Variants in LGMN observed in about 807,000 individuals in gnomAD.
LGMN encodes the protein legumain.
Under a neutral mutation model 56.8 loss-of-function variants are expected in LGMN, and 36 were observed. That is an observed-to-expected ratio of 0.63 (90% CI 0.49 to 0.84). The LOEUF is 0.84. Among genes scored for constraint, LGMN ranks in the 40% least tolerant of loss-of-function variants. The probability of loss-of-function intolerance (pLI) is 0.00; values close to 1 mark genes in which losing one functional copy is unlikely to be tolerated. For missense variants in LGMN, 446 were observed against 556.1 expected, an observed-to-expected ratio of 0.80 and a Z score of 1.99; for synonymous variants, 199 against 210.1, an observed-to-expected ratio of 0.95 and a Z score of 0.46.
intron 2 of LGMN, among the ~76,000 whole-genome samples, chr14:92,732,004 A>C (rs1891071662): frequency 6.6e-6 from 1 of 152,010 alleles, no homozygotes; most frequent in Admixed American, 6.5e-5. Context: ...TCCAGGAAAG[A>C]TGGGGGAGGA....
rs1401723318 is a variant in LGMN, at chr14:92,716,181, T to A, written c.359A>T (p.Asp120Val). Residue 120 changes from aspartate to valine, a missense_variant, in exon 5 of 14, where the codon GAT (aspartate) becomes GTT (valine). By Grantham distance (152) the Asp-to-Val change is radical (BLOSUM62 -3). Transcript: ENST00000334869. ...TCCTATGCCCTTCACTGCTTCTGCA[T>A]CGCCTCTCAACACAGCAAGGAAATT... is the stretch of plus-strand genomic sequence containing the variant. ...PQNFLAVLRG[D>V]AEAVKGIGSG... The A allele has an allele frequency of 1.9e-6, 3 of 1,613,656 alleles. No homozygotes were observed.
At chr14:92,710,077 T>C (rs1889679084) in intron 10 of LGMN, among the ~76,000 whole-genome samples, 1 of 152,160 alleles carries the variant, frequency 6.6e-6, no homozygotes, top group Non-Finnish European at 1.5e-5. Flanking sequence ...CTGAAAGGCA[T>C]GGTCACCCCA....
chr14:92,723,622 C>T (rs1024115346), intron 2 of LGMN, among the ~76,000 whole-genome samples: 12 of 152,260 alleles, frequency 7.9e-5, no homozygotes, highest in South Asian at 4.1e-4. Context: ...AAAGACCACA[C>T]GCTGTTTAGC....
rs1890771886 is a variant in LGMN, at chr14:92,726,968, G to T, written c.138+5681C>A. Among the ~76,000 whole-genome samples, 2 of 152,230 alleles carry T rather than the reference G, an allele frequency of 1.3e-5. 1 individual carries two copies. The highest frequency in any genetic ancestry group is 3.8e-4 in the East Asian group (2 of 5,196). On this transcript the variant is annotated intron_variant, in intron 2 of 13. Transcript: ENST00000334869. ...AAGTCCACCCATGGCTCCAAGAAAA[G>T]ATGTGCATCTGATAAAGAGCAAGCC...
intron 8 of LGMN, 43 bp downstream of exon 8, chr14:92,712,762 C>T (rs1889850282): frequency 6.3e-7 from 1 of 1,597,032 alleles, no homozygotes; most frequent in African/African-American, 1.3e-5. Context: ...TCTGAGCAAC[C>T]TGCTTGCCAG....
intron 2 of LGMN, among the ~76,000 whole-genome samples, chr14:92,730,655 G>C (rs985618691): frequency 1.1e-4 from 17 of 152,206 alleles, no homozygotes; most frequent in African/African-American, 4.1e-4. Context: ...GTTTAAAGAA[G>C]ATATTAAGGC....
At chr14:92,718,480 GGGA>G in intron 3 of LGMN, among the ~76,000 whole-genome samples, 1 of 152,016 alleles carries the variant, frequency 6.6e-6, no homozygotes, top group Non-Finnish European at 1.5e-5. Flanking sequence ...AGGCTGAGGT[GGGA>G]GGATCACTTG....
At chr14:92,704,409 G>A in intron 13 of LGMN, 48 bp from the exon 14 acceptor site, 1 of 1,483,160 alleles carries the variant, frequency 6.7e-7, no homozygotes, top group Non-Finnish European at 9.4e-7. Flanking sequence ...CAACTCTGAA[G>A]AAAGGCAGAC....
In LGMN at chr14:92,714,443, T is replaced by C; in HGVS notation, c.413A>G (p.Gln138Arg). Residue 138 changes from glutamine to arginine, a missense_variant, in exon 6 of 14, where the codon CAG becomes CGG. Coordinates refer to ENST00000334869, the MANE Select transcript of LGMN (RefSeq NM_005606.7). This position sits in a 1 kb window ranked among gnomAD's most constrained non-coding sequence, Gnocchi z 5.1. ...GSGKVLKSGP[Q>R]DHVFIYFTDH... ...AGTGAAGTAAATGAACACGTGATCC[T>C]GGGGGCCACTGCCAAGAAGGAATCG... 6.2e-7 allele frequency: 1 copy of C among 1,606,408 alleles called. No homozygotes were observed. The highest frequency in any genetic ancestry group is 8.5e-7 in the Non-Finnish European group (1 of 1,173,652).
intron 1 of LGMN, among the ~76,000 whole-genome samples, chr14:92,747,513 C>T (rs1891875924): frequency 6.6e-6 from 1 of 152,118 alleles, no homozygotes; most frequent in Non-Finnish European, 1.5e-5. Context: ...AACAAACAAA[C>T]AGAAAAACAC....
intron 10 of LGMN, among the ~76,000 whole-genome samples, chr14:92,710,099 G>A (rs894393678): frequency 6.6e-6 from 1 of 152,176 alleles, no homozygotes; most frequent in Admixed American, 6.5e-5. Context: ...CAGTACGCAG[G>A]CAATGCACGG....
At chr14:92,746,222 G>T (rs1891814184) in intron 1 of LGMN, among the ~76,000 whole-genome samples, 1 of 152,088 alleles carries the variant, frequency 6.6e-6, no homozygotes, top group South Asian at 2.1e-4. Context: ...GTTTCAATGT[G>T]CATTTCCTGG....
intron 3 of LGMN, 82 bp from the exon 4 acceptor site, chr14:92,717,543 A>T: frequency 9.8e-7 from 1 of 1,022,324 alleles, no homozygotes; most frequent in East Asian, 2.4e-5. Context: ...TGTTATGCGA[A>T]AAAATAGTAA....
intron 2 of LGMN, among the ~76,000 whole-genome samples, chr14:92,723,730 C>T (rs1218525087): frequency 7.7e-6 from 1 of 130,536 alleles, no homozygotes; most frequent in Non-Finnish European, 1.7e-5. Flanking sequence ...TGCAAATATG[C>T]CCAAACAACT....
At position 92,742,552 on chromosome 14, in the gene LGMN, G is replaced by A. The variant is rs1217455793; in HGVS notation, c.-30+5937C>T. 2.0e-5 allele frequency among the ~76,000 whole-genome samples: 3 copies of A among 152,144 alleles called. No individual in the cohort carries two copies. The East Asian group carries it at 5.8e-4, about 29-fold the overall frequency. ...TGCACCTGCCTTAGCCTCCCAAAGT[G>A]CTGGGATTACAGATGTGAGCCACTG... is the stretch of plus-strand genomic sequence containing the variant. On this transcript the variant is annotated intron_variant, in intron 1 of 13. Transcript: ENST00000334869.
chr14:92,727,061 G>C (rs979904288), intron 2 of LGMN, among the ~76,000 whole-genome samples: 1 of 152,176 alleles, frequency 6.6e-6, no homozygotes, highest in African/African-American at 2.4e-5. Context: ...GACACCTGGA[G>C]CTGCTGCAGC....
intron 5 of LGMN, among the ~76,000 whole-genome samples, chr14:92,715,303 C>T (rs1890018285): frequency 6.6e-6 from 1 of 152,050 alleles, no homozygotes; most frequent in Non-Finnish European, 1.5e-5. Flanking sequence ...ACTGCAACCT[C>T]CACCTCCTGG....
intron 2 of LGMN, among the ~76,000 whole-genome samples, chr14:92,729,467 GCCCCC>G (rs777922277): frequency 3.9e-5 from 1 of 25,408 alleles, no homozygotes; most frequent in South Asian, 1.9e-3. Context: ...CTCAGATCAC[GCCCCC>G]CCCCCCCGCC....
chr14:92,716,360 C>A, intron 4 of LGMN, 139 bp from the exon 5 acceptor site: 1 of 685,518 alleles, frequency 1.5e-6, no homozygotes, highest in Non-Finnish European at 2.7e-6. Context: ...TGGTCGGGTG[C>A]CGTGGCTCAC....
Sources: allele counts gnomAD v4.1 joint callset (sites outside exome capture counted in the v4.1 genomes callset), GRCh38; gene constraint gnomAD v4.1.1; non-coding constraint Gnocchi (gnomAD v3.1); transcripts MANE v1.5; gene names NCBI Gene and HGNC (gene_info 2026-07-23, HGNC 2026-07-21).